Variants in TMEM135 observed in about 807,000 individuals in gnomAD.
The protein encoded by TMEM135 is transmembrane protein 135.
A neutral mutation model predicts 60.3 loss-of-function variants in TMEM135; 30 were observed. The observed-to-expected ratio is 0.50, with a 90% CI of 0.37 to 0.68. TMEM135 has a LOEUF of 0.68. TMEM135 is among the 30% of genes least tolerant of loss of function. The probability of loss-of-function intolerance (pLI) is 0.00; values close to 1 mark genes in which losing one functional copy is unlikely to be tolerated. For synonymous variants in TMEM135, 190 were observed against 186.7 expected (o/e 1.02, Z -0.14); for missense variants, 468 against 548.8 (o/e 0.85, Z 1.47).
Position 87,321,691 on chromosome 11 carries a change from A to G in TMEM135, c.*358A>G, listed in dbSNP as rs1463552416. On this transcript the variant is annotated 3_prime_UTR_variant, in exon 15 of 15. Transcript: ENST00000305494. The stretch of plus-strand genomic sequence containing the variant: ...AAAGATGTCTTTAGTTCATTCCAAT[A>G]TAATTCTTGATTAAAATTAGGATTA... 1 of 468,044 alleles carries G rather than the reference A, an allele frequency of 2.1e-6. No individual in the cohort carries two copies. The highest frequency in any genetic ancestry group is 4.2e-6 in the Non-Finnish European group (1 of 236,556). The allele number at this position is 468,044 out of a possible 1,614,324, so 29.0% of individuals were successfully genotyped here. A position where few individuals can be genotyped will look rare whatever the true frequency, so the allele number is the denominator to read the frequency against.
At chr11:87,251,847 A>G (rs1330101353) in intron 6 of TMEM135, among the ~76,000 whole-genome samples, 1 of 152,230 alleles carries the variant, frequency 6.6e-6, no homozygotes, top group East Asian at 1.9e-4. Context: ...TTTTAAACCA[A>G]GAGAGAAAGT....
intron 4 of TMEM135, among the ~76,000 whole-genome samples, chr11:87,105,542 A>T (rs1857573305): frequency 6.6e-6 from 1 of 152,270 alleles, no homozygotes; most frequent in African/African-American, 2.4e-5. Context: ...TATTGATTTC[A>T]TGTTGAACCA....
rs532489764 is a variant in TMEM135, at chr11:87,321,225, C to T, written c.1269C>T (p.Val423=). ...GATTTGCTGTCATGAACCGAAAAGT[C>T]CTTGATGTTTTTGGTACTGGTGCAT... The part of the protein sequence containing the change: ...KGKFAVMNRK[V]LDVFGTGASK... Residue 423 remains valine (V), a synonymous_variant, in exon 15 of 15, where the codon GTC becomes GTT. Coordinates refer to ENST00000305494, the MANE Select transcript of TMEM135 (RefSeq NM_022918.4). The T allele has an allele frequency of 1.9e-6, 3 of 1,613,278 alleles. No homozygotes were observed. The South Asian group carries it at 3.3e-5, about 18-fold the overall frequency.
In TMEM135 at chr11:87,323,802, A is replaced by G. The variant is rs185305615; in HGVS notation, c.*2469A>G. 1.1e-5 allele frequency: 5 copies of G among 453,862 alleles called. No homozygotes were observed. The highest frequency in any genetic ancestry group is 2.3e-5 in the Admixed American group (1 of 42,554). 28.1% of individuals were successfully genotyped at this position (453,862 alleles called of 1,614,324 possible). ...TTCAATTCTCAGCAGTTTTTCATCAAATAATTTCAGGATCCATTTTATTAC... is the reference window on the plus strand; with the variant it reads ...TTCAATTCTCAGCAGTTTTTCATCAGATAATTTCAGGATCCATTTTATTAC... On this transcript the variant is annotated 3_prime_UTR_variant, in exon 15 of 15. Transcript: ENST00000305494.
chr11:87,131,448 G>A (rs1025916086), intron 4 of TMEM135, among the ~76,000 whole-genome samples: 6 of 152,100 alleles, frequency 3.9e-5, no homozygotes, highest in Non-Finnish European at 2.9e-5. Context: ...TGGGGATAGG[G>A]AATGTGTTAT....
At chr11:87,043,738 C>CA (rs569467886) in intron 1 of TMEM135, among the ~76,000 whole-genome samples, 2,306 of 151,152 alleles carry the variant, frequency 0.015, 21 homozygotes, top group Admixed American at 0.025. Context: ...AACAAACAAA[C>CA]AAACAAAAAA....
At chr11:87,059,912 G>A (rs1949930274) in intron 1 of TMEM135, among the ~76,000 whole-genome samples, 1 of 152,118 alleles carries the variant, frequency 6.6e-6, no homozygotes, top group African/African-American at 2.4e-5. Context: ...TCAGGAGTTC[G>A]AGACCAGCCT....
intron 6 of TMEM135, among the ~76,000 whole-genome samples, chr11:87,290,306 C>G (rs1942242360): frequency 6.6e-6 from 1 of 152,094 alleles, no homozygotes; most frequent in African/African-American, 2.4e-5. Flanking sequence ...ATTATAGGAA[C>G]ATCACCCATC....
intron 6 of TMEM135, among the ~76,000 whole-genome samples, chr11:87,266,271 G>A (rs1023344731): frequency 6.6e-6 from 1 of 152,060 alleles, no homozygotes; most frequent in South Asian, 2.1e-4. Flanking sequence ...TAAAATTCCT[G>A]TCAAGATTAT....
chr11:87,127,397 C>T (rs1428498700), intron 4 of TMEM135, among the ~76,000 whole-genome samples: 1 of 152,192 alleles, frequency 6.6e-6, no homozygotes. Context: ...GATTCATGGC[C>T]TCCAGGTTTT....
rs570559599 is a variant in TMEM135, at chr11:87,170,499, G to A, written c.462+13093G>A. On this transcript the variant is annotated intron_variant, in intron 5 of 14. Transcript: ENST00000305494. ...GGACATCCTTTTTGTTGATGTTGTT[G>A]TTACTCCTTTCTGTTTGTTAAATTT... is the stretch of plus-strand genomic sequence containing the variant. 9.9e-4 allele frequency among the ~76,000 whole-genome samples: 150 copies of A among 152,264 alleles called. 1 individual carries two copies. Among genetic ancestry groups the A allele is most frequent in the African/African-American group, 3.4e-3 (142 of 41,550 alleles).
chr11:87,205,957 T>C (rs945443087), intron 5 of TMEM135, among the ~76,000 whole-genome samples: 3 of 152,146 alleles, frequency 2.0e-5, no homozygotes, highest in African/African-American at 7.2e-5. Flanking sequence ...ATATCCTTGA[T>C]AGAATGAGTA....
chr11:87,303,878 G>T (rs556460877), intron 8 of TMEM135, among the ~76,000 whole-genome samples: 1 of 152,184 alleles, frequency 6.6e-6, no homozygotes, highest in African/African-American at 2.4e-5. Context: ...TGCCTTGGGC[G>T]TCAGAACTGA....
chr11:87,175,596 A>C (rs929877967), intron 5 of TMEM135, among the ~76,000 whole-genome samples: 2 of 137,178 alleles, frequency 1.5e-5, no homozygotes, highest in Non-Finnish European at 3.4e-5. Flanking sequence ...GTCCTTAAAC[A>C]AAACAAACAA....
chr11:87,043,929 G>T lies in TMEM135; in HGVS notation c.141+5743G>T, dbSNP rs1949772973. Among the ~76,000 whole-genome samples, 2 of 152,008 alleles carry T rather than the reference G, an allele frequency of 1.3e-5. 1 individual carries two copies. The highest frequency in any genetic ancestry group is 4.8e-5 in the African/African-American group (2 of 41,318). On this transcript the variant is annotated intron_variant, in intron 1 of 14. Coordinates refer to ENST00000305494, the MANE Select transcript of TMEM135 (RefSeq NM_022918.4). Reference sequence around the variant, plus strand: ...TAACCTCAGATGGTTCTAACACTAAGACCTTTCTTTTCCTAGTTGGTTTTC... The same window carrying T: ...TAACCTCAGATGGTTCTAACACTAATACCTTTCTTTTCCTAGTTGGTTTTC...
Position 87,234,605 on chromosome 11 carries a change from C to T in TMEM135, c.463-2033C>T, listed in dbSNP as rs186954855. Among the ~76,000 whole-genome samples the T allele has an allele frequency of 6.6e-5, 10 of 152,078 alleles. No individual in the cohort carries two copies. In the East Asian group the frequency reaches 1.7e-3, roughly 27 times the overall value. On this transcript the variant is annotated intron_variant, in intron 5 of 14. Coordinates refer to ENST00000305494, the MANE Select transcript of TMEM135 (RefSeq NM_022918.4). ...CAAGATAAAAACAATCTGCTGATGC[C>T]TCCACTTTTATATGCATCATCTCAC...
At chr11:87,064,133 A>G (rs1263773586) in intron 1 of TMEM135, among the ~76,000 whole-genome samples, 1 of 152,180 alleles carries the variant, frequency 6.6e-6, no homozygotes, top group African/African-American at 2.4e-5. Flanking sequence ...GTTGCTCTAC[A>G]TTCCCACCAG....
At chr11:87,268,403 A>G in intron 6 of TMEM135, among the ~76,000 whole-genome samples, 1 of 152,112 alleles carries the variant, frequency 6.6e-6, no homozygotes, top group South Asian at 2.1e-4. Context: ...GGTGTGAACC[A>G]CCATGCCAGG....
intron 4 of TMEM135, among the ~76,000 whole-genome samples, chr11:87,138,193 T>C (rs1309175529): frequency 6.6e-6 from 1 of 150,738 alleles, no homozygotes; most frequent in Non-Finnish European, 1.5e-5. Context: ...TGGGTTCAAG[T>C]GATTCTCCTG....
Sources: allele counts gnomAD v4.1 joint callset (sites outside exome capture counted in the v4.1 genomes callset), GRCh38; gene constraint gnomAD v4.1.1; transcripts MANE v1.5; gene names NCBI Gene and HGNC (gene_info 2026-07-23, HGNC 2026-07-21).